The following RORA variants were observed in gnomAD, a reference collection of about 807,000 sequenced individuals.
RORA encodes RAR related orphan receptor A, also known as nuclear receptor ROR-alpha.
A neutral mutation model predicts 69.5 loss-of-function variants in RORA; 7 were observed. The observed-to-expected ratio is 0.10, with a 90% CI of 0.06 to 0.19. The LOEUF is 0.19. Among genes scored for constraint, RORA ranks in the 10% least tolerant of loss-of-function variants. RORA has a pLI of 1.00. For missense variants in RORA, 457 were observed against 663.0 expected (o/e 0.69, Z 3.41); for synonymous variants, 261 against 240.8 (o/e 1.08, Z -0.78).
intron 1 of RORA, among the ~76,000 whole-genome samples, chr15:60,902,590 C>T (rs1269147022): frequency 1.3e-5 from 2 of 152,198 alleles, no homozygotes; most frequent in Admixed American, 6.5e-5. Flanking sequence ...GTCATGTCTA[C>T]ATAGCTGAAA....
chr15:61,142,784 A>G (rs2079312223), intron 1 of RORA, among the ~76,000 whole-genome samples: 2 of 152,178 alleles, frequency 1.3e-5, no homozygotes, highest in African/African-American at 4.8e-5. Context: ...GGGTGCTAAA[A>G]AAGCATTCGA....
intron 1 of RORA, among the ~76,000 whole-genome samples, chr15:61,137,102 A>AG (rs60733247): frequency 9.3e-5 from 14 of 149,850 alleles, no homozygotes; most frequent in South Asian, 2.1e-4. Flanking sequence ...AAAGAAAGAA[A>AG]AAAGCAAGGG....
At chr15:61,036,328 C>T (rs972479569) in intron 1 of RORA, among the ~76,000 whole-genome samples, 1 of 152,066 alleles carries the variant, frequency 6.6e-6, no homozygotes, top group African/African-American at 2.4e-5. Context: ...AGAGGTTTGC[C>T]TTGTTGCTAT....
intron 2 of RORA, among the ~76,000 whole-genome samples, chr15:60,581,324 G>A (rs752730148): frequency 6.6e-6 from 1 of 152,196 alleles, no homozygotes; most frequent in Non-Finnish European, 1.5e-5. Flanking sequence ...CTCTGCAATA[G>A]TGGAAACAAA....
intron 8 of RORA, 54 bp from the exon 9 acceptor site, chr15:60,501,123 AAAACC>A: frequency 1.1e-6 from 1 of 936,898 alleles, no homozygotes; most frequent in Non-Finnish European, 1.7e-6. Flanking sequence ...TCTTAGGAGA[AAAACC>A]TAGGTCTTAG....
chr15:60,612,617 C>T (rs1004111193), intron 2 of RORA, among the ~76,000 whole-genome samples: 3 of 150,612 alleles, frequency 2.0e-5, no homozygotes, highest in African/African-American at 2.4e-5. Flanking sequence ...AGCTGAAATC[C>T]GAGACACCTC....
intron 1 of RORA, among the ~76,000 whole-genome samples, chr15:61,143,331 G>A (rs191407560): frequency 6.6e-6 from 1 of 152,088 alleles, no homozygotes. Context: ...ATAATGGAAA[G>A]ACAGACTTTG....
In RORA at chr15:61,147,008, T is replaced by G. The variant is rs2079355791; in HGVS notation, c.166+82045A>C. Among the ~76,000 whole-genome samples, 1 of 150,238 alleles carries G rather than the reference T, an allele frequency of 6.7e-6. No homozygotes were observed. The highest frequency in any genetic ancestry group is 2.2e-4 in the South Asian group (1 of 4,606). ...TCACAAGAAAACCCTCTTCAGGCTA[T>G]TCATGGTGGGGGGCAGTCACGGGGG... On this transcript the variant is annotated intron_variant, in intron 1 of 10. Transcript: ENST00000335670. This position sits in a 1 kb window ranked among gnomAD's most constrained non-coding sequence, Gnocchi z 4.1.
intron 1 of RORA, among the ~76,000 whole-genome samples, chr15:60,820,878 A>G (rs916371188): frequency 2.6e-5 from 4 of 152,234 alleles, no homozygotes; most frequent in African/African-American, 9.6e-5. Flanking sequence ...GCTGCTTAAA[A>G]TGCAGATTCC....
chr15:60,643,534 G>A (rs772831742), intron 2 of RORA, among the ~76,000 whole-genome samples: 5 of 152,174 alleles, frequency 3.3e-5, no homozygotes, highest in African/African-American at 4.8e-5. Context: ...GATAAGGCTG[G>A]AGAGTTTAAG....
At chr15:60,536,808 C>A (rs2066694312) in intron 2 of RORA, among the ~76,000 whole-genome samples, 1 of 152,186 alleles carries the variant, frequency 6.6e-6, no homozygotes, top group South Asian at 2.1e-4. Flanking sequence ...GTGTGTCTTG[C>A]AAAAACGGTC....
In RORA at chr15:60,491,444, A is replaced by G. The variant is rs2065039371; in HGVS notation, c.*6011T>C. 1 of 152,142 alleles carries G rather than the reference A, an allele frequency of 6.6e-6. No homozygotes were observed. Among genetic ancestry groups the G allele is most frequent in the African/African-American group, 2.4e-5 (1 of 41,434 alleles). 9.4% of individuals were successfully genotyped at this position (152,142 alleles called of 1,614,324 possible). A position where few individuals can be genotyped will look rare whatever the true frequency, so the allele number is the denominator to read the frequency against. On this transcript the variant is annotated 3_prime_UTR_variant, in exon 11 of 11. Transcript: ENST00000335670. Reference sequence around the variant, plus strand: ...AACAGCAAACACAGATTTCCTAGGCATCTATTTAAAATATTCATATTCACT... The same window carrying G: ...AACAGCAAACACAGATTTCCTAGGCGTCTATTTAAAATATTCATATTCACT...
chr15:60,583,614 G>T (rs993820228), intron 2 of RORA, among the ~76,000 whole-genome samples: 2 of 152,174 alleles, frequency 1.3e-5, no homozygotes, highest in Non-Finnish European at 1.5e-5. Flanking sequence ...CACCAAAACA[G>T]CCTCAGGGTT....
chr15:60,792,403 G>A (rs960177357), intron 1 of RORA, among the ~76,000 whole-genome samples: 2 of 152,006 alleles, frequency 1.3e-5, no homozygotes, highest in African/African-American at 4.8e-5. Context: ...TTGAAGGAAC[G>A]GCTGAAAATT....
At chr15:60,870,969 G>A (rs901814383) in intron 1 of RORA, among the ~76,000 whole-genome samples, 1 of 152,182 alleles carries the variant, frequency 6.6e-6, no homozygotes, top group Admixed American at 6.5e-5. Context: ...AGTCCTGTTA[G>A]GAAGACACAT....
intron 1 of RORA, among the ~76,000 whole-genome samples, chr15:60,893,662 G>T (rs552058915): frequency 7.2e-5 from 11 of 152,234 alleles, no homozygotes; most frequent in African/African-American, 2.6e-4. Flanking sequence ...AAGGGAAGCG[G>T]GGGCTGAAGG....
intron 1 of RORA, among the ~76,000 whole-genome samples, chr15:60,740,482 T>C (rs2071561480): frequency 6.6e-6 from 1 of 152,196 alleles, no homozygotes; most frequent in Non-Finnish European, 1.5e-5. Flanking sequence ...CCAAGGACAA[T>C]GCCAGTGAGG....
In RORA at chr15:61,185,880, G is replaced by C. The variant is rs925591924; in HGVS notation, c.166+43173C>G. On this transcript the variant is annotated intron_variant, in intron 1 of 10. Coordinates refer to ENST00000335670, the MANE Select transcript of RORA (RefSeq NM_134261.3). ...ACAGGCACCATGAAATGCCCAGACCGAGACCTGCATTGCTGCCATTATTTT... is the reference window on the plus strand; with the variant it reads ...ACAGGCACCATGAAATGCCCAGACCCAGACCTGCATTGCTGCCATTATTTT... Among the ~76,000 whole-genome samples, 8 of 152,192 alleles carry C rather than the reference G, an allele frequency of 5.3e-5. No homozygotes were observed. In the South Asian group the frequency reaches 1.0e-3, roughly 20 times the overall value.
intron 1 of RORA, among the ~76,000 whole-genome samples, chr15:61,144,910 T>C (rs1215654507): frequency 1.3e-5 from 2 of 152,234 alleles, no homozygotes; most frequent in Non-Finnish European, 2.9e-5. Context: ...TCGCTGTATA[T>C]CCTTTTACAG....
Sources: gnomAD v4.1 joint callset for allele counts (sites outside exome capture counted in the v4.1 genomes callset) on GRCh38, gnomAD v4.1.1 for gene constraint, Gnocchi (gnomAD v3.1) non-coding constraint, MANE v1.5 for transcripts, NCBI Gene and HGNC (gene_info 2026-07-23, HGNC 2026-07-21) for gene names.